Variants in ZNF627 observed in about 807,000 individuals in gnomAD.
The protein encoded by ZNF627 is zinc finger protein 627.
Under a neutral mutation model 10.6 loss-of-function variants are expected in ZNF627, and 12 were observed. The ratio of observed to expected loss-of-function variants is 1.13; its 90% CI spans 0.73 to 1.84. The LOEUF (loss-of-function observed/expected upper bound fraction) is 1.84, where lower values mean the gene tolerates loss of function less well. ZNF627 is among the 40% of genes most tolerant of loss of function. The probability of loss-of-function intolerance (pLI) is 0.00; values close to 1 mark genes in which losing one functional copy is unlikely to be tolerated. For missense variants in ZNF627, 504 were observed against 568.4 expected (o/e 0.89, Z 1.15); for synonymous variants, 176 against 187.1 (o/e 0.94, Z 0.48).
chr19:11,611,404 C>T (rs771553677), intron 1 of ZNF627, among the ~76,000 whole-genome samples: 3 of 152,158 alleles, frequency 2.0e-5, no homozygotes, highest in Non-Finnish European at 2.9e-5. Context: ...TCCGAGCTCA[C>T]CCCAGTCTCA....
At chr19:11,599,894 G>A (rs909282428) in intron 1 of ZNF627, among the ~76,000 whole-genome samples, 5 of 151,650 alleles carry the variant, frequency 3.3e-5, no homozygotes, top group South Asian at 2.1e-4. Context: ...GTGACAGAGC[G>A]AGACTCTGTC....
intron 1 of ZNF627, among the ~76,000 whole-genome samples, chr19:11,605,219 G>C (rs1035364074): frequency 6.6e-6 from 1 of 151,430 alleles, no homozygotes; most frequent in Admixed American, 6.6e-5. Flanking sequence ...AGTAGCTGGG[G>C]TTACAGGTGC....
chr19:11,608,128 G>A (rs1973705639), intron 1 of ZNF627, among the ~76,000 whole-genome samples: 1 of 152,178 alleles, frequency 6.6e-6, no homozygotes, highest in Non-Finnish European at 1.5e-5. Context: ...GAAGTGCAGA[G>A]CGAAGAGTGG....
intron 1 of ZNF627, among the ~76,000 whole-genome samples, chr19:11,606,519 T>C (rs544707286): frequency 2.8e-4 from 43 of 152,240 alleles, no homozygotes; most frequent in African/African-American, 6.0e-4. Flanking sequence ...CTTTTCCAGG[T>C]GCGTGGTGCA....
In ZNF627 at chr19:11,618,175, A is replaced by G. The variant is rs1045776034; in HGVS notation, c.*286A>G. On this transcript the variant is annotated 3_prime_UTR_variant, in exon 4 of 4. Coordinates refer to ENST00000361113, the MANE Select transcript of ZNF627 (RefSeq NM_145295.4). Reference sequence around the variant, plus strand: ...ACAATTCACCAGTAACCTATCTTACATGAGATTCGGAAGTAAGTTAAGAAG... The same window carrying G: ...ACAATTCACCAGTAACCTATCTTACGTGAGATTCGGAAGTAAGTTAAGAAG... 1.7e-5 allele frequency: 6 copies of G among 343,304 alleles called. No individual in the cohort carries two copies. Among genetic ancestry groups the G allele is most frequent in the African/African-American group, 1.1e-4 (5 of 47,026 alleles). The allele number at this position is 343,304 out of a possible 1,614,324, so 21.3% of individuals were successfully genotyped here. A position where few individuals can be genotyped will look rare whatever the true frequency, so the allele number is the denominator to read the frequency against.
intron 3 of ZNF627, among the ~76,000 whole-genome samples, chr19:11,615,295 T>G (rs759930793): frequency 3.3e-5 from 5 of 151,278 alleles, no homozygotes; most frequent in Non-Finnish European, 7.4e-5. Flanking sequence ...TTCAAACTGT[T>G]TTGTTTTTAG....
At position 11,619,092 on chromosome 19, in the gene ZNF627, A is replaced by G. The variant is rs1277415264; in HGVS notation, c.*1203A>G. The stretch of plus-strand genomic sequence containing the variant: ...ACCGCAGAGACCATACCTGTTGTCA[A>G]AGAGGGTGTAATAAACTGTAATAAT... On this transcript the variant is annotated 3_prime_UTR_variant, in exon 4 of 4. Transcript: ENST00000361113. 1 of 152,188 alleles carries G rather than the reference A, an allele frequency of 6.6e-6. No individual in the cohort carries two copies. Among genetic ancestry groups the G allele is most frequent in the African/African-American group, 2.4e-5 (1 of 41,446 alleles). The allele number at this position is 152,188 out of a possible 1,614,324, so 9.4% of individuals were successfully genotyped here.
chr19:11,598,642 A>G (rs536959027), intron 1 of ZNF627, among the ~76,000 whole-genome samples: 103 of 152,206 alleles, frequency 6.8e-4, no homozygotes, highest in Middle Eastern at 3.4e-3. Context: ...CTTTCACCAT[A>G]TTCCCAAAAG....
chr19:11,616,314 G>A (rs533923810), intron 3 of ZNF627, among the ~76,000 whole-genome samples: 31 of 152,214 alleles, frequency 2.0e-4, no homozygotes, highest in African/African-American at 6.3e-4. Context: ...CCAAAGTGCC[G>A]GGATTACAGG....
chr19:11,597,678 T>TGGAACCGGCC, intron 1 of ZNF627, 48 bp downstream of exon 1: 3 of 1,332,610 alleles, frequency 2.3e-6, no homozygotes, highest in Non-Finnish European at 2.9e-6. Flanking sequence ...AGGGGCTGGT[T>TGGAACCGGCC]GGAACCGGCC....
chr19:11,611,887 G>C (rs1973776659), intron 1 of ZNF627, among the ~76,000 whole-genome samples: 1 of 152,062 alleles, frequency 6.6e-6, no homozygotes, highest in East Asian at 1.9e-4. Flanking sequence ...GTATGTTTGA[G>C]GATCTACCTG....
intron 1 of ZNF627, among the ~76,000 whole-genome samples, chr19:11,609,471 TTATATATATA>T (rs1168205815): frequency 0.056 from 2,961 of 53,284 alleles, 108 homozygotes; most frequent in Middle Eastern, 0.14. Flanking sequence ...TTAAAAAATT[TTATATATATA>T]TATATATATA....
At position 11,614,512 on chromosome 19, in the gene ZNF627, T is replaced by C; in HGVS notation, c.4-15T>C. The C allele has an allele frequency of 1.2e-6, 2 of 1,613,660 alleles. No homozygotes were observed. Among genetic ancestry groups the C allele is most frequent in the Non-Finnish European group, 1.7e-6 (2 of 1,179,892 alleles). On this transcript the variant is annotated splice_polypyrimidine_tract_variant and intron_variant, in intron 1 of 3. Coordinates refer to ENST00000361113, the MANE Select transcript of ZNF627 (RefSeq NM_145295.4). The stretch of plus-strand genomic sequence containing the variant: ...TGTCTCAACCTTCCTCCTCCACACA[T>C]GGGGGATGTTTCAGGATTCAGTGGC...
At chr19:11,613,219 A>C (rs1176761066) in intron 1 of ZNF627, among the ~76,000 whole-genome samples, 2 of 40,864 alleles carry the variant, frequency 4.9e-5, no homozygotes, top group East Asian at 6.8e-4. Context: ...TTGGTTTCCC[A>C]GCATGGTCTT....
intron 3 of ZNF627, among the ~76,000 whole-genome samples, chr19:11,615,185 A>G (rs1973845535): frequency 6.9e-6 from 1 of 145,260 alleles, no homozygotes. Flanking sequence ...TGACCTCGTG[A>G]TCTGCCTGCC....
At chr19:11,603,284 C>A (rs1241142481) in intron 1 of ZNF627, among the ~76,000 whole-genome samples, 1 of 119,960 alleles carries the variant, frequency 8.3e-6, no homozygotes, top group Non-Finnish European at 1.7e-5. Context: ...TATTCTTAGC[C>A]TTTTTTTTTT....
intron 3 of ZNF627, among the ~76,000 whole-genome samples, chr19:11,615,405 C>T (rs111755374): frequency 6.0e-5 from 9 of 150,282 alleles, no homozygotes; most frequent in African/African-American, 2.2e-4. Context: ...TCGAGACCAT[C>T]CTGGCTAACA....
rs1323928447 is a variant in ZNF627 at position 11,617,757 on chromosome 19, C to A, written c.1254C>A (p.Pro418=). 6.2e-7 allele frequency: 1 copy of A among 1,613,202 alleles called. No homozygotes were observed. The highest frequency in any genetic ancestry group is 1.7e-5 in the Admixed American group (1 of 59,846). The part of the protein sequence containing the change: ...IHERTHTGEK[P]YECKQCGKAF... ...AAAGAACTCACACTGGAGAGAAACCCTATGAATGTAAGCAATGTGGGAAAG... is the reference window on the plus strand; with the variant it reads ...AAAGAACTCACACTGGAGAGAAACCATATGAATGTAAGCAATGTGGGAAAG... Residue 418 remains proline, a synonymous_variant, in exon 4 of 4, where the codon CCC becomes CCA. Transcript: ENST00000361113.
At chr19:11,616,620 T>C (rs1973872089) in intron 3 of ZNF627, 75 bp from the exon 4 acceptor site, 1 of 1,026,644 alleles carries the variant, frequency 9.7e-7, no homozygotes, top group East Asian at 2.6e-5. Flanking sequence ...TATATGTAAG[T>C]CTAATACCTA....
Sources: allele counts gnomAD v4.1 joint callset (sites outside exome capture counted in the v4.1 genomes callset), GRCh38; gene constraint gnomAD v4.1.1; transcripts MANE v1.5; gene names NCBI Gene and HGNC (gene_info 2026-07-23, HGNC 2026-07-21).